The following ARHGAP17 variants were observed in gnomAD, a reference collection of about 807,000 sequenced individuals.
The protein encoded by ARHGAP17 is Rho GTPase activating protein 17.
ARHGAP17 carries 57 observed loss-of-function variants against 99.5 expected under a neutral mutation model. The observed-to-expected ratio is 0.57, with a 90% confidence interval of 0.46 to 0.71. The LOEUF is 0.71. ARHGAP17 is among the 30% of genes least tolerant of loss of function. The pLI, the probability that ARHGAP17 is intolerant of heterozygous loss-of-function variation, is 0.00. For synonymous variants in ARHGAP17, 417 were observed against 429.6 expected (o/e 0.97, Z 0.36); for missense variants, 1,000 against 1,122.4 (o/e 0.89, Z 1.56).
intron 1 of ARHGAP17, among the ~76,000 whole-genome samples, chr16:25,003,877 C>A (rs1307627914): frequency 2.0e-5 from 3 of 151,702 alleles, no homozygotes; most frequent in Non-Finnish European, 4.4e-5. Flanking sequence ...GATGGAAATG[C>A]AACCAGGGGC....
At chr16:24,982,725 A>G (rs956985333) in intron 1 of ARHGAP17, among the ~76,000 whole-genome samples, 35 of 152,006 alleles carry the variant, frequency 2.3e-4, no homozygotes, top group Admixed American at 4.6e-4. Flanking sequence ...AGAGATATGG[A>G]AAGTCCAGCA....
intron 12 of ARHGAP17, among the ~76,000 whole-genome samples, 184 bp downstream of exon 12, chr16:24,952,105 C>A (rs2051662000): frequency 6.6e-6 from 1 of 152,002 alleles, no homozygotes; most frequent in African/African-American, 2.4e-5. Flanking sequence ...TGGTGACTTT[C>A]CTACACTAAT....
intron 15 of ARHGAP17, among the ~76,000 whole-genome samples, chr16:24,943,245 G>A (rs952867374): frequency 6.6e-6 from 1 of 152,194 alleles, no homozygotes; most frequent in South Asian, 2.1e-4. Flanking sequence ...AGCTGGCCCC[G>A]ATCAACCTTT....
At chr16:24,947,408 C>A (rs1057177042) in intron 14 of ARHGAP17, 74 bp downstream of exon 14, 6 of 1,308,186 alleles carry the variant, frequency 4.6e-6, no homozygotes, top group Non-Finnish European at 6.5e-6. Flanking sequence ...GAATGTGTAA[C>A]CTGAGTTACA....
intron 9 of ARHGAP17, among the ~76,000 whole-genome samples, chr16:24,958,441 T>C (rs922718593): frequency 6.6e-6 from 1 of 152,236 alleles, no homozygotes; most frequent in Admixed American, 6.5e-5. Context: ...AGCAAGAGTC[T>C]GTCCCTAGAA....
intron 6 of ARHGAP17, among the ~76,000 whole-genome samples, chr16:24,967,482 A>G (rs2052222409): frequency 6.6e-6 from 1 of 152,202 alleles, no homozygotes; most frequent in Non-Finnish European, 1.5e-5. Context: ...CAACTGTCAC[A>G]TGCCTGAGAA....
At chr16:24,987,109 T>C (rs1454391261) in intron 1 of ARHGAP17, among the ~76,000 whole-genome samples, 3 of 152,176 alleles carry the variant, frequency 2.0e-5, no homozygotes, top group Non-Finnish European at 4.4e-5. Context: ...TCAGCAACAA[T>C]AAACATTTCA....
At chr16:24,923,647 G>A (rs2050769211) in intron 19 of ARHGAP17, among the ~76,000 whole-genome samples, 1 of 150,582 alleles carries the variant, frequency 6.6e-6, no homozygotes, top group Non-Finnish European at 1.5e-5. Flanking sequence ...GAGCCCAGGA[G>A]GTCAAGGCTG....
rs1597344589 is a variant in ARHGAP17, at chr16:24,920,185, A to C, written c.2591T>G (p.Val864Gly). 1 of 1,614,164 alleles carries C rather than the reference A, an allele frequency of 6.2e-7. No homozygotes were observed. Among genetic ancestry groups the C allele is most frequent in the Non-Finnish European group, 8.5e-7 (1 of 1,180,024 alleles). Residue 864 changes from valine (V) to glycine (G), a missense_variant, in exon 20 of 20, where the codon GTG becomes GGG. Physicochemically the swap from Val to Gly is moderately radical, Grantham distance 109. Coordinates refer to ENST00000289968, the MANE Select transcript of ARHGAP17 (RefSeq NM_001006634.3). ...TATATCCAGCAGGATGCGGCCAGGC[A>C]CGTCTTTGCTGGCTGAGTCTGAGTG... ...EMHSDSASKD[V>G]PGRILLDIDN...
At chr16:24,984,268 T>C (rs1390074280) in intron 1 of ARHGAP17, among the ~76,000 whole-genome samples, 5 of 152,130 alleles carry the variant, frequency 3.3e-5, no homozygotes, top group Non-Finnish European at 7.4e-5. Flanking sequence ...CAATGAGCAC[T>C]ACCGTCCTCC....
chr16:24,959,603 TGAA>T (rs933003004), intron 9 of ARHGAP17, 65 bp downstream of exon 9: 2 of 1,494,330 alleles, frequency 1.3e-6, no homozygotes, highest in African/African-American at 2.8e-5. Context: ...GGAGTCAGGG[TGAA>T]GAAGAACCCA....
intron 1 of ARHGAP17, among the ~76,000 whole-genome samples, chr16:24,998,037 C>G (rs1386181990): frequency 6.6e-6 from 1 of 152,046 alleles, no homozygotes; most frequent in Non-Finnish European, 1.5e-5. Flanking sequence ...CCCTGGGACA[C>G]AGCGGAAGGA....
intron 1 of ARHGAP17, among the ~76,000 whole-genome samples, chr16:25,014,998 C>A (rs1304166002): frequency 6.6e-6 from 1 of 151,464 alleles, no homozygotes; most frequent in Admixed American, 6.6e-5. Flanking sequence ...GTCTCGGGAG[C>A]CCGGCGGCGC....
intron 6 of ARHGAP17, 67 bp from the exon 7 acceptor site, chr16:24,964,375 C>G: frequency 9.1e-7 from 1 of 1,098,466 alleles, no homozygotes; most frequent in Non-Finnish European, 1.4e-6. Flanking sequence ...GGAGGCAGGA[C>G]CTGGTGGAGA....
chr16:25,007,667 A>G (rs1261729785), intron 1 of ARHGAP17, among the ~76,000 whole-genome samples: 2 of 152,198 alleles, frequency 1.3e-5, no homozygotes, highest in Admixed American at 6.6e-5. Context: ...CACCCGGCTC[A>G]CTGACAACTT....
chr16:24,954,132 T>C lies in ARHGAP17; in HGVS notation c.852+471A>G, dbSNP rs147586752. ...TTCCTTATTTATACAAGAAGAGTAA[T>C]AAAAACTCCCTTATTTGGTTCATGG... On this transcript the variant is annotated intron_variant, in intron 10 of 19. Transcript: ENST00000289968. 1.8e-4 allele frequency among the ~76,000 whole-genome samples: 28 copies of C among 152,118 alleles called. 1 individual carries two copies. The East Asian group carries it at 5.4e-3, about 29-fold the overall frequency.
chr16:24,940,721 A>G (rs1286811943), intron 16 of ARHGAP17, among the ~76,000 whole-genome samples: 1 of 152,146 alleles, frequency 6.6e-6, no homozygotes, highest in African/African-American at 2.4e-5. Flanking sequence ...AAAAGACTGG[A>G]AAAAGCCGTT....
intron 15 of ARHGAP17, 70 bp from the exon 16 acceptor site, chr16:24,942,213 C>T (rs2051333727): frequency 1.4e-6 from 2 of 1,470,634 alleles, no homozygotes; most frequent in Non-Finnish European, 1.8e-6. Flanking sequence ...TAAGACACCC[C>T]TCATTGGAAC....
intron 19 of ARHGAP17, among the ~76,000 whole-genome samples, chr16:24,922,387 C>T (rs553950173): frequency 1.3e-3 from 201 of 152,330 alleles, no homozygotes; most frequent in African/African-American, 4.5e-3. Flanking sequence ...TTTTCTTATA[C>T]ATCACATATA....
Sources: allele counts gnomAD v4.1 joint callset (sites outside exome capture counted in the v4.1 genomes callset), GRCh38; gene constraint gnomAD v4.1.1; transcripts MANE v1.5; gene names NCBI Gene and HGNC (gene_info 2026-07-23, HGNC 2026-07-21).